Variants in TMEM87A observed in about 807,000 individuals in gnomAD.
TMEM87A encodes the protein transmembrane protein 87A.
In TMEM87A, 50 loss-of-function variants were observed where a neutral mutation model predicts 90.0. That is an observed-to-expected ratio of 0.56 (90% confidence interval 0.44 to 0.70). The LOEUF is 0.70. Ranked by LOEUF, TMEM87A falls within the 30% of genes least tolerant of loss-of-function variation. TMEM87A has a pLI of 0.00. For synonymous variants in TMEM87A, 226 were observed against 226.7 expected (o/e 1.00, Z 0.03); for missense variants, 577 against 660.5 (o/e 0.87, Z 1.39).
chr15:42,246,912 A>G (rs1046449008), intron 6 of TMEM87A, among the ~76,000 whole-genome samples: 1 of 152,226 alleles, frequency 6.6e-6, no homozygotes, highest in African/African-American at 2.4e-5. Context: ...CCCCACCAAC[A>G]GTGTAAAAGT....
In TMEM87A at chr15:42,216,538, C is replaced by T. The variant is rs552178766; in HGVS notation, c.1626+1265G>A. 2.0e-5 allele frequency among the ~76,000 whole-genome samples: 3 copies of T among 152,334 alleles called. No homozygotes were observed. The East Asian group carries it at 5.8e-4, about 29-fold the overall frequency. On this transcript the variant is annotated intron_variant, in intron 19 of 19. Coordinates refer to ENST00000389834, the MANE Select transcript of TMEM87A (RefSeq NM_015497.5). Reference sequence around the variant, plus strand: ...CACAATCAGGTTTCAATTAATCAGCCTTCTCTGCTTATAGCAGCTCATGGA... The same window carrying T: ...CACAATCAGGTTTCAATTAATCAGCTTTCTCTGCTTATAGCAGCTCATGGA...
At chr15:42,267,877 A>G in intron 3 of TMEM87A, 70 bp downstream of exon 3, 4 of 1,270,362 alleles carry the variant, frequency 3.1e-6, no homozygotes, top group Non-Finnish European at 4.5e-6. Context: ...TCTTTCCTCT[A>G]TGAAATTAAG....
chr15:42,272,617 T>A (rs1203285218), intron 1 of TMEM87A: 2 of 261,122 alleles, frequency 7.7e-6, no homozygotes, highest in African/African-American at 4.5e-5. Context: ...TTAAAATGGG[T>A]AAGGGGCAGA....
At chr15:42,225,520 G>GT (rs1164548632) in intron 15 of TMEM87A, among the ~76,000 whole-genome samples, 2 of 152,124 alleles carry the variant, frequency 1.3e-5, no homozygotes, top group African/African-American at 4.8e-5. Flanking sequence ...GAGACTCAGT[G>GT]TAAGTGATAC....
chr15:42,237,926 G>C (rs1409880922), intron 8 of TMEM87A, among the ~76,000 whole-genome samples: 2 of 152,010 alleles, frequency 1.3e-5, no homozygotes, highest in Non-Finnish European at 2.9e-5. Flanking sequence ...TAATATGAAA[G>C]CATTATCTTG....
At chr15:42,214,125 G>C (rs183472759) in intron 19 of TMEM87A, among the ~76,000 whole-genome samples, 3 of 137,282 alleles carry the variant, frequency 2.2e-5, no homozygotes, top group African/African-American at 7.5e-5. Context: ...TAGAAAATCC[G>C]GGGGGGGAAC....
At position 42,237,421 on chromosome 15, in the gene TMEM87A, T is replaced by C. The variant is rs115529956; in HGVS notation, c.868+11A>G. 2.6e-3 allele frequency: 4,153 copies of C among 1,612,454 alleles called. 89 individuals carry two copies. The African/African-American group carries it at 0.05, about 19-fold the overall frequency. On this transcript the variant is annotated intron_variant, in intron 9 of 19. Coordinates refer to ENST00000389834, the MANE Select transcript of TMEM87A (RefSeq NM_015497.5). Reference sequence around the variant, plus strand: ...ACCACTCGAACTGGCAAAGATTTTCTGGTTACTTACCAGATTCTCCTTTGT... The same window carrying C: ...ACCACTCGAACTGGCAAAGATTTTCCGGTTACTTACCAGATTCTCCTTTGT...
intron 15 of TMEM87A, among the ~76,000 whole-genome samples, chr15:42,226,107 C>T (rs999767832): frequency 2.6e-5 from 4 of 152,044 alleles, no homozygotes; most frequent in Non-Finnish European, 5.9e-5. Flanking sequence ...TCAAGCGATT[C>T]TCCTGCCTCA....
chr15:42,231,257 G>C lies in TMEM87A; in HGVS notation c.1066C>G (p.Gln356Glu). 6.4e-7 allele frequency: 1 copy of C among 1,570,898 alleles called. No homozygotes were observed. The highest frequency in any genetic ancestry group is 8.6e-7 in the Non-Finnish European group (1 of 1,163,306). Residue 356 changes from glutamine to glutamate, a missense_variant, in exon 12 of 20, where the codon CAG becomes GAG. Physicochemically the swap from Gln to Glu is conservative, Grantham distance 29. Coordinates refer to ENST00000389834, the MANE Select transcript of TMEM87A (RefSeq NM_015497.5). ...MEGVLRVTGA[Q>E]TDLASLAFIP... ...AAGGCCAAGGAAGCAAGATCAGTCT[G>C]GGCCTGCAGACAAAGAAAAAGAAGT...
At chr15:42,263,142 A>C (rs2051330360) in intron 4 of TMEM87A, among the ~76,000 whole-genome samples, 1 of 152,252 alleles carries the variant, frequency 6.6e-6, no homozygotes, top group Non-Finnish European at 1.5e-5. Context: ...TAAAAATGTG[A>C]CGTTTTAAAT....
intron 12 of TMEM87A, among the ~76,000 whole-genome samples, chr15:42,229,884 G>A (rs930125101): frequency 1.3e-5 from 2 of 152,186 alleles, no homozygotes; most frequent in South Asian, 2.1e-4. Context: ...GGAGTGCAGC[G>A]GTGCGATCTC....
chr15:42,258,051 A>C, intron 6 of TMEM87A: 7 of 973,948 alleles, frequency 7.2e-6, no homozygotes, highest in Non-Finnish European at 8.5e-6. Context: ...TGTAGTTAAA[A>C]TATTAATCAC....
chr15:42,272,012 C>A, intron 2 of TMEM87A, 51 bp downstream of exon 2: 1 of 1,410,410 alleles, frequency 7.1e-7, no homozygotes, highest in Non-Finnish European at 9.7e-7. Context: ...AAAACATTAC[C>A]TATAAATTTT....
chr15:42,258,456 C>T, intron 6 of TMEM87A: 1 of 583,114 alleles, frequency 1.7e-6, no homozygotes, highest in Non-Finnish European at 2.2e-6. Flanking sequence ...GAGATGGAAT[C>T]TCACTGGCTG....
chr15:42,248,778 T>A (rs563332939), intron 6 of TMEM87A, among the ~76,000 whole-genome samples: 1 of 152,318 alleles, frequency 6.6e-6, no homozygotes, highest in South Asian at 2.1e-4. Flanking sequence ...GGCTTTGGTA[T>A]CAGGATGATG....
intron 19 of TMEM87A, among the ~76,000 whole-genome samples, chr15:42,216,294 A>G (rs2050382491): frequency 6.6e-6 from 1 of 152,230 alleles, no homozygotes; most frequent in Non-Finnish European, 1.5e-5. Flanking sequence ...AAAATGTTCT[A>G]GAGATCTGCT....
At chr15:42,221,634 C>A (rs1310430717) in intron 15 of TMEM87A, among the ~76,000 whole-genome samples, 1 of 151,950 alleles carries the variant, frequency 6.6e-6, no homozygotes, top group African/African-American at 2.4e-5. Flanking sequence ...ACTGAGGAGG[C>A]TGAGGTAGGA....
chr15:42,221,756 A>T (rs2050489916), intron 15 of TMEM87A, among the ~76,000 whole-genome samples: 1 of 152,102 alleles, frequency 6.6e-6, no homozygotes, highest in African/African-American at 2.4e-5. Context: ...AAAGGCTTTT[A>T]AAAAATTTTT....
At chr15:42,271,923 G>C in intron 2 of TMEM87A, 140 bp downstream of exon 2, 1 of 670,842 alleles carries the variant, frequency 1.5e-6, no homozygotes, top group Non-Finnish European at 2.5e-6. Context: ...TCAGTAAAAG[G>C]ACCTTAGTAA....
Sources: allele counts gnomAD v4.1 joint callset (sites outside exome capture counted in the v4.1 genomes callset), GRCh38; gene constraint gnomAD v4.1.1; transcripts MANE v1.5; gene names NCBI Gene and HGNC (gene_info 2026-07-23, HGNC 2026-07-21).